Variants in THSD4 observed in about 807,000 individuals in gnomAD.
THSD4 encodes thrombospondin type-1 domain-containing protein 4.
THSD4 carries 69 observed loss-of-function variants against 119.0 expected under a neutral mutation model. The observed-to-expected ratio is 0.58, with a 90% CI of 0.48 to 0.71. The LOEUF (loss-of-function observed/expected upper bound fraction) is 0.71. Ranked by LOEUF, THSD4 falls within the 30% of genes least tolerant of loss-of-function variation. The probability of loss-of-function intolerance (pLI) is 0.00; values close to 1 mark genes in which losing one functional copy is unlikely to be tolerated. For missense variants in THSD4, 1,393 were observed against 1,391.1 expected (o/e 1.00, Z -0.02); for synonymous variants, 524 against 540.4 (o/e 0.97, Z 0.42).
chr15:71,337,744 C>A (rs1566945478), intron 6 of THSD4, among the ~76,000 whole-genome samples: 1 of 152,106 alleles, frequency 6.6e-6, no homozygotes, highest in East Asian at 1.9e-4. Flanking sequence ...TTTGCATACC[C>A]CAGGTGAACC....
chr15:71,623,431 C>T (rs1354861970), intron 7 of THSD4, among the ~76,000 whole-genome samples: 13 of 152,120 alleles, frequency 8.5e-5, no homozygotes, highest in African/African-American at 1.2e-4. Context: ...AAGTATTTCC[C>T]GTAAGTAAAC....
chr15:71,187,201 T>C (rs2043616943), intron 3 of THSD4: 1 of 152,648 alleles, frequency 6.6e-6, no homozygotes, highest in Non-Finnish European at 1.5e-5. Context: ...CATTGAAATA[T>C]CTGCTAATAG....
Position 71,130,837 on chromosome 15 carries a change from C to A in THSD4, c.-79-10612C>A, listed in dbSNP as rs548396338. On this transcript the variant is annotated intron_variant, in intron 1 of 17. Transcript: ENST00000261862. ...TCAGCTCGCTGCAAGCTCCGCCTCCCGGGTTCACGCCATTCTCCTGCCTCA... is the reference window on the plus strand; with the variant it reads ...TCAGCTCGCTGCAAGCTCCGCCTCCAGGGTTCACGCCATTCTCCTGCCTCA... Among the ~76,000 whole-genome samples, 404 of 152,272 alleles carry A rather than the reference C, an allele frequency of 2.7e-3. 3 individuals carry two copies. The highest frequency in any genetic ancestry group is 9.7e-3 in the African/African-American group (401 of 41,542).
chr15:71,211,629 T>C (rs187293887), intron 3 of THSD4, among the ~76,000 whole-genome samples: 62 of 152,226 alleles, frequency 4.1e-4, no homozygotes, highest in African/African-American at 1.5e-3. Context: ...ATATGAATGG[T>C]GGGGAGGGAC....
At chr15:71,777,115 A>G in intron 17 of THSD4, 117 bp from the exon 18 acceptor site, 3 of 1,190,004 alleles carry the variant, frequency 2.5e-6, no homozygotes, top group Non-Finnish European at 2.5e-6. Flanking sequence ...CATACCCCAC[A>G]ATGGTAATAA....
intron 7 of THSD4, among the ~76,000 whole-genome samples, chr15:71,431,191 T>A (rs563710899): frequency 6.6e-6 from 1 of 152,316 alleles, no homozygotes; most frequent in African/African-American, 2.4e-5. Context: ...AAAGAATCAG[T>A]AATGTTCAAA....
chr15:71,702,302 G>C (rs2052307123), intron 8 of THSD4, among the ~76,000 whole-genome samples: 1 of 152,136 alleles, frequency 6.6e-6, no homozygotes, highest in Non-Finnish European at 1.5e-5. Context: ...TAAACTCTTA[G>C]TTAATTGATT....
At position 71,303,640 on chromosome 15, in the gene THSD4, C is replaced by T. The variant is rs528580942; in HGVS notation, c.1015+46925C>T. 1.1e-3 allele frequency among the ~76,000 whole-genome samples: 165 copies of T among 152,226 alleles called. 1 individual carries two copies. Among genetic ancestry groups the T allele is most frequent in the African/African-American group, 3.8e-3 (159 of 41,526 alleles). On this transcript the variant is annotated intron_variant, in intron 6 of 17. Transcript: ENST00000261862. ...CAGTTTTCCCAGCTTACTATTGATACCATTCACAGAAGTCTTGCATTCAGT... is the reference window on the plus strand; with the variant it reads ...CAGTTTTCCCAGCTTACTATTGATATCATTCACAGAAGTCTTGCATTCAGT...
intron 6 of THSD4, among the ~76,000 whole-genome samples, chr15:71,258,773 TAG>T (rs1214706432): frequency 6.6e-6 from 1 of 152,050 alleles, no homozygotes; most frequent in African/African-American, 2.4e-5. Flanking sequence ...TATTTGGAAA[TAG>T]AGTCATTGCA....
At chr15:71,636,414 C>T (rs1007258495) in intron 7 of THSD4, among the ~76,000 whole-genome samples, 1 of 152,054 alleles carries the variant, frequency 6.6e-6, no homozygotes, top group Admixed American at 6.6e-5. Flanking sequence ...CAGAGCCAGA[C>T]TCTGTCTCAA....
At chr15:71,495,805 C>T (rs2048006772) in intron 7 of THSD4, among the ~76,000 whole-genome samples, 1 of 152,204 alleles carries the variant, frequency 6.6e-6, no homozygotes, top group Non-Finnish European at 1.5e-5. Context: ...CTCTCCCAAG[C>T]ACCCTGTCCT....
At chr15:71,445,605 C>T (rs1021596967) in intron 7 of THSD4, among the ~76,000 whole-genome samples, 1 of 152,164 alleles carries the variant, frequency 6.6e-6, no homozygotes, top group African/African-American at 2.4e-5. Context: ...ATGTTCTGTT[C>T]CCCGTCATCT....
intron 14 of THSD4, among the ~76,000 whole-genome samples, chr15:71,752,059 G>A (rs965804106): frequency 1.3e-5 from 2 of 152,126 alleles, no homozygotes; most frequent in South Asian, 2.1e-4. Context: ...AACTGAGAGC[G>A]CTTTTACAGT....
rs185816854 is a variant in THSD4, at chr15:71,376,870, C to T, written c.1016-34817C>T. Among the ~76,000 whole-genome samples the T allele has an allele frequency of 2.0e-5, 3 of 152,318 alleles. No homozygotes were observed. In the East Asian group the frequency reaches 5.8e-4, roughly 29 times the overall value. ...AAGATCAGATTTTGAGGGTCTCAAT[C>T]CCCCAGCTCTGGAGCTTAAACTTCA... On this transcript the variant is annotated intron_variant, in intron 6 of 17. Coordinates refer to ENST00000261862, the MANE Select transcript of THSD4 (RefSeq NM_024817.3).
At chr15:71,494,900 C>G (rs759286327) in intron 7 of THSD4, among the ~76,000 whole-genome samples, 1 of 152,156 alleles carries the variant, frequency 6.6e-6, no homozygotes, top group Non-Finnish European at 1.5e-5. Context: ...GCATCTGTTT[C>G]TCTTTCAGGG....
At chr15:71,347,743 C>T (rs971984649) in intron 6 of THSD4, among the ~76,000 whole-genome samples, 3 of 152,180 alleles carry the variant, frequency 2.0e-5, no homozygotes, top group Non-Finnish European at 2.9e-5. Flanking sequence ...CCGCATATGA[C>T]TAGTGGCTAC....
rs537527559 is a variant in THSD4 at position 71,611,872 on chromosome 15, G to A, written c.1153-48658G>A. ...AATGCCTGGATCCCTGGGGTTGCTG[G>A]ATGAGGATGTAATGGTGGGGAGGGG... On this transcript the variant is annotated intron_variant, in intron 7 of 17. Coordinates refer to ENST00000261862, the MANE Select transcript of THSD4 (RefSeq NM_024817.3). 6.0e-3 allele frequency among the ~76,000 whole-genome samples: 140 copies of A among 23,376 alleles called. 1 individual carries two copies. The East Asian group carries it at 0.11, about 19-fold the overall frequency. The allele number at this position is 23,376 out of a possible 152,430, so 15.3% of individuals were successfully genotyped here.
At chr15:71,142,867 T>C (rs1475346443) in intron 2 of THSD4, among the ~76,000 whole-genome samples, 1 of 152,210 alleles carries the variant, frequency 6.6e-6, no homozygotes, top group Non-Finnish European at 1.5e-5. Context: ...GCCTAGAACT[T>C]ATAACAGAAA....
At chr15:71,592,563 C>T (rs955018823) in intron 7 of THSD4, among the ~76,000 whole-genome samples, 3 of 151,996 alleles carry the variant, frequency 2.0e-5, no homozygotes, top group African/African-American at 7.2e-5. Flanking sequence ...TGTCACTGTT[C>T]TATACGTGGT....
Sources: gnomAD v4.1 joint callset for allele counts (sites outside exome capture counted in the v4.1 genomes callset) on GRCh38, gnomAD v4.1.1 for gene constraint, MANE v1.5 for transcripts, NCBI Gene and HGNC (gene_info 2026-07-23, HGNC 2026-07-21) for gene names.